Variants in SSH1 observed in about 807,000 individuals in gnomAD.
The protein encoded by SSH1 is protein phosphatase Slingshot homolog 1.
Under a neutral mutation model 79.7 loss-of-function variants are expected in SSH1, and 43 were observed. The observed-to-expected ratio is 0.54, with a 90% CI of 0.42 to 0.70. The LOEUF is 0.70. Among genes scored for constraint, SSH1 ranks in the 30% least tolerant of loss-of-function variants. SSH1 has a pLI of 0.00. For missense variants in SSH1, 1,206 were observed against 1,358.8 expected, an observed-to-expected ratio of 0.89 and a Z score of 1.77; for synonymous variants, 599 against 538.3, an observed-to-expected ratio of 1.11 and a Z score of -1.56.
chr12:108,802,477 C>T (rs1367901149), intron 10 of SSH1, 109 bp from the exon 11 acceptor site: 1 of 937,990 alleles, frequency 1.1e-6, no homozygotes, highest in African/African-American at 1.6e-5. Flanking sequence ...TATTTCATGG[C>T]CCCATTGGCC....
In SSH1 at chr12:108,782,491, G is replaced by C. The variant is rs1006072631; in HGVS notation, c.*5497C>G. On this transcript the variant is annotated 3_prime_UTR_variant, in exon 15 of 15. Transcript: ENST00000326495. ...TACTGACAAAATTAGAAAGAAAACA[G>C]ACTAGTTCCAGGAGGAACTATCATT... 1.3e-5 allele frequency: 2 copies of C among 152,052 alleles called. No individual in the cohort carries two copies. The highest frequency in any genetic ancestry group is 2.4e-5 in the African/African-American group (1 of 41,400). 9.4% of individuals were successfully genotyped at this position (152,052 alleles called of 1,614,324 possible).
At chr12:108,794,855 A>G (rs78620658) in intron 13 of SSH1, among the ~76,000 whole-genome samples, 7,860 of 142,474 alleles carry the variant, frequency 0.055, 631 homozygotes, top group African/African-American at 0.18. Flanking sequence ...ATCTTCATAG[A>G]TTGTGGGGGG....
At chr12:108,813,839 A>G (rs1464617011) in intron 5 of SSH1, among the ~76,000 whole-genome samples, 2 of 151,888 alleles carry the variant, frequency 1.3e-5, no homozygotes, top group African/African-American at 4.8e-5. Context: ...GGAAAACAGG[A>G]AAAGAAAGAA....
intron 2 of SSH1, among the ~76,000 whole-genome samples, chr12:108,823,874 G>C (rs1431963670): frequency 6.6e-6 from 1 of 152,146 alleles, no homozygotes; most frequent in Non-Finnish European, 1.5e-5. Context: ...TACCATGTTG[G>C]CCAGGCTGGT....
At chr12:108,851,649 T>C (rs1242914361) in intron 2 of SSH1, among the ~76,000 whole-genome samples, 2 of 152,288 alleles carry the variant, frequency 1.3e-5, no homozygotes, top group East Asian at 3.9e-4. Flanking sequence ...AACAAAAATG[T>C]TTTTGGTGTC....
intron 2 of SSH1, among the ~76,000 whole-genome samples, chr12:108,832,179 C>T (rs2038490287): frequency 6.6e-6 from 1 of 151,790 alleles, no homozygotes; most frequent in African/African-American, 2.4e-5. Flanking sequence ...CACCTGCAGT[C>T]CCGGGTATTT....
intron 1 of SSH1, among the ~76,000 whole-genome samples, chr12:108,853,610 A>G (rs1309947781): frequency 6.6e-6 from 1 of 152,066 alleles, no homozygotes; most frequent in Non-Finnish European, 1.5e-5. Flanking sequence ...ACCCACCAGG[A>G]GGTGGCAACT....
chr12:108,838,247 T>C (rs1418252881), intron 2 of SSH1, among the ~76,000 whole-genome samples: 1 of 152,232 alleles, frequency 6.6e-6, no homozygotes, highest in Non-Finnish European at 1.5e-5. Context: ...TGCATAGTTT[T>C]ACCCTCACCA....
rs984400295 is a variant in SSH1, at chr12:108,857,153, C to T, written c.69+275G>A. Among the ~76,000 whole-genome samples the T allele has an allele frequency of 6.6e-6, 1 of 152,234 alleles. No homozygotes were observed. The highest frequency in any genetic ancestry group is 2.4e-5 in the African/African-American group (1 of 41,476). On this transcript the variant is annotated intron_variant, in intron 1 of 14. Coordinates refer to ENST00000326495, the MANE Select transcript of SSH1 (RefSeq NM_018984.4). The surrounding 1 kb of genome is among the most constrained non-coding windows in gnomAD (Gnocchi z 4.7). ...ACACACAGTATCCTGCAGACACTCC[C>T]AGAGGGGTCGCACTGCATACACAGT...
chr12:108,855,955 C>T (rs1306846331), intron 1 of SSH1, among the ~76,000 whole-genome samples: 1 of 152,196 alleles, frequency 6.6e-6, no homozygotes, highest in Non-Finnish European at 1.5e-5. Context: ...ACTACCCTAC[C>T]AGGAGACAGG....
intron 2 of SSH1, among the ~76,000 whole-genome samples, chr12:108,831,371 G>A (rs2038469460): frequency 6.6e-6 from 1 of 152,220 alleles, no homozygotes. Flanking sequence ...CCAAAAAGGA[G>A]GCTCTGTTAA....
Position 108,817,103 on chromosome 12 carries a change from G to A in SSH1, c.336C>T (p.Tyr112=), listed in dbSNP as rs2137153744. 2 of 1,614,236 alleles carry A rather than the reference G, an allele frequency of 1.2e-6. No homozygotes were observed. Residue 112 remains tyrosine (Y), a synonymous_variant, in exon 5 of 15, where the codon TAC becomes TAT. Transcript: ENST00000326495. ...CCTCGGTGTCCTGGCGCCCGCTGCTGTACACCACCACCATGTACCGGACCC... is the reference window on the plus strand; with the variant it reads ...CCTCGGTGTCCTGGCGCCCGCTGCTATACACCACCACCATGTACCGGACCC... The part of the protein sequence containing the change: ...ADRVRYMVVV[Y]SSGRQDTEEN...
Position 108,857,505 on chromosome 12 carries a change from CGCGGTGCGAGG to C in SSH1, c.-20_-10del. 3.5e-6 allele frequency: 4 copies of C among 1,131,680 alleles called. No homozygotes were observed. Among genetic ancestry groups the C allele is most frequent in the Non-Finnish European group, 4.4e-6 (4 of 904,706 alleles). 70.1% of individuals were successfully genotyped at this position (1,131,680 alleles called of 1,614,324 possible). ...AGGGTCACCAGGGCCATGGCTGCGG[CGCGGTGCGAGG>C]GCGCCACAGACGTCTCGAGCTAGAG... On this transcript the variant is annotated 5_prime_UTR_variant, in exon 1 of 15. Coordinates refer to ENST00000326495, the MANE Select transcript of SSH1 (RefSeq NM_018984.4). The surrounding 1 kb of genome is among the most constrained non-coding windows in gnomAD (Gnocchi z 4.7).
At chr12:108,812,556 G>A (rs2037668187) in intron 5 of SSH1, among the ~76,000 whole-genome samples, 1 of 152,220 alleles carries the variant, frequency 6.6e-6, no homozygotes, top group African/African-American at 2.4e-5. Flanking sequence ...GCAGGCGGAG[G>A]TCAAGGGGGC....
intron 5 of SSH1, among the ~76,000 whole-genome samples, chr12:108,816,439 T>G (rs1273856467): frequency 1.3e-5 from 2 of 152,250 alleles, no homozygotes; most frequent in Non-Finnish European, 2.9e-5. Context: ...ATTTATCTTG[T>G]GATGTCAGGG....
At chr12:108,796,906 C>A (rs1468566601) in intron 13 of SSH1, among the ~76,000 whole-genome samples, 2 of 152,034 alleles carry the variant, frequency 1.3e-5, no homozygotes, top group Non-Finnish European at 2.9e-5. Flanking sequence ...CCACACCCAG[C>A]TAATTTTGTA....
At chr12:108,837,077 C>A in intron 2 of SSH1, 2 of 403,772 alleles carry the variant, frequency 5.0e-6, no homozygotes, top group Non-Finnish European at 1.0e-5. Context: ...ACTAAAAATA[C>A]AAAAATTAGC....
Position 108,805,040 on chromosome 12 carries a change from G to A in SSH1, c.954+16C>T, listed in dbSNP as rs762474437. The A allele has an allele frequency of 1.2e-6, 2 of 1,613,912 alleles. No homozygotes were observed. Among genetic ancestry groups the A allele is most frequent in the Non-Finnish European group, 1.7e-6 (2 of 1,179,864 alleles). ...ATGTCCCCCAAACCAGATACTGCCA[G>A]GGCCATGCCTCTTACGAGATAAAGA... On this transcript the variant is annotated intron_variant, in intron 10 of 14. Transcript: ENST00000326495.
intron 2 of SSH1, among the ~76,000 whole-genome samples, chr12:108,845,982 C>A (rs2038890727): frequency 6.6e-6 from 1 of 152,150 alleles, no homozygotes; most frequent in Non-Finnish European, 1.5e-5. Flanking sequence ...GTCTGCAGGG[C>A]AATGACATGC....
Sources: gnomAD v4.1 joint callset for allele counts (sites outside exome capture counted in the v4.1 genomes callset) on GRCh38, gnomAD v4.1.1 for gene constraint, Gnocchi (gnomAD v3.1) non-coding constraint, MANE v1.5 for transcripts, NCBI Gene and HGNC (gene_info 2026-07-23, HGNC 2026-07-21) for gene names.